Variants in ATF2 observed in about 807,000 individuals in gnomAD.
ATF2 encodes the protein cyclic AMP-dependent transcription factor ATF-2.
A neutral mutation model predicts 60.6 loss-of-function variants in ATF2; 24 were observed. The ratio of observed to expected loss-of-function variants is 0.40; its 90% CI spans 0.29 to 0.56. The LOEUF is 0.56. ATF2 is among the 20% of genes least tolerant of loss of function. ATF2 has a pLI of 0.54. For missense variants in ATF2, 433 were observed against 607.7 expected (o/e 0.71, Z 3.02); for synonymous variants, 206 against 215.4 (o/e 0.96, Z 0.38).
At chr2:175,162,281 T>C (rs1457472609) in intron 1 of ATF2, among the ~76,000 whole-genome samples, 1 of 152,222 alleles carries the variant, frequency 6.6e-6, no homozygotes, top group Admixed American at 6.5e-5. Flanking sequence ...GCCAACTAAA[T>C]AATTTTAAAA....
rs76163869 is a variant in ATF2, at chr2:175,151,375, G to T, written c.-142-217C>A. ...GCTCCAGGAAGATGTTTATCCTGTA[G>T]CCTCCCGTAACTCCTGGCATATTAC... On this transcript the variant is annotated intron_variant, in intron 1 of 13. Coordinates refer to ENST00000264110, the MANE Select transcript of ATF2 (RefSeq NM_001880.4). Among the ~76,000 whole-genome samples the T allele has an allele frequency of 3.9e-5, 6 of 152,110 alleles. No homozygotes were observed. The East Asian group carries it at 1.2e-3, about 29-fold the overall frequency.
At chr2:175,115,238 C>G (rs1472361162) in intron 7 of ATF2, among the ~76,000 whole-genome samples, 1 of 151,896 alleles carries the variant, frequency 6.6e-6, no homozygotes, top group Non-Finnish European at 1.5e-5. Context: ...CTGTTTAGTC[C>G]CCCTCCCTCA....
chr2:175,082,955 C>T (rs915068906), intron 12 of ATF2, among the ~76,000 whole-genome samples: 4 of 152,108 alleles, frequency 2.6e-5, no homozygotes, highest in Non-Finnish European at 5.9e-5. Flanking sequence ...TGAAGGACCT[C>T]TTCAAGGAGA....
Position 175,074,987 on chromosome 2 carries a change from T to G in ATF2, c.1292-152A>C, listed in dbSNP as rs72927392. ...ACAGCAATTGATATAGGTCATGAAG[T>G]AGGCAATTTTACCTGCAATAGGTCA... On this transcript the variant is annotated intron_variant, in intron 13 of 13. Coordinates refer to ENST00000264110, the MANE Select transcript of ATF2 (RefSeq NM_001880.4). 7.8e-3 allele frequency: 11,689 copies of G among 1,506,422 alleles called. 764 individuals are homozygous for G. In the African/African-American group the frequency reaches 0.14, roughly 18 times the overall value. The allele number at this position is 1,506,422 out of a possible 1,614,324, so 93.3% of individuals were successfully genotyped here. A position where few individuals can be genotyped will look rare whatever the true frequency, so the allele number is the denominator to read the frequency against.
chr2:175,146,768 C>G (rs1698985314), intron 2 of ATF2, among the ~76,000 whole-genome samples: 1 of 152,112 alleles, frequency 6.6e-6, no homozygotes, highest in Non-Finnish European at 1.5e-5. Flanking sequence ...CACATCCAGG[C>G]TATATATGCT....
In ATF2 at chr2:175,151,640, G is replaced by A. The variant is rs370471442; in HGVS notation, c.-142-482C>T. ...AAAAGCTTGACTTTTAAATATATGT[G>A]TATCAGTTAGGATTAGGTTCAGCTG... On this transcript the variant is annotated intron_variant, in intron 1 of 13. Coordinates refer to ENST00000264110, the MANE Select transcript of ATF2 (RefSeq NM_001880.4). 2.0e-5 allele frequency among the ~76,000 whole-genome samples: 3 copies of A among 152,114 alleles called. No homozygotes were observed. In the East Asian group the frequency reaches 5.8e-4, roughly 29 times the overall value.
chr2:175,165,870 T>C (rs138445779), intron 1 of ATF2, among the ~76,000 whole-genome samples: 7,001 of 152,208 alleles, frequency 0.046, 228 homozygotes, highest in Non-Finnish European at 0.068. Flanking sequence ...TTCACCGTGT[T>C]AGCTAGGATG....
chr2:175,109,683 T>A (rs1696036015), intron 10 of ATF2, among the ~76,000 whole-genome samples: 2 of 152,166 alleles, frequency 1.3e-5, no homozygotes, highest in African/African-American at 2.4e-5. Context: ...AATAACAGGA[T>A]CTCCTTTTAA....
At chr2:175,113,492 C>G (rs145737513) in intron 9 of ATF2, among the ~76,000 whole-genome samples, 1 of 152,192 alleles carries the variant, frequency 6.6e-6, no homozygotes, top group African/African-American at 2.4e-5. Context: ...ATATTTAACA[C>G]ACCCCTCAAA....
Position 175,074,653 on chromosome 2 carries a change from TC to T in ATF2, c.1473del (p.Ile492SerfsTer16). 1 of 1,613,238 alleles carries T rather than the reference TC, an allele frequency of 6.2e-7. No individual in the cohort carries two copies. Reference protein sequence around the residue: ...ADQSTEPALSQIVMAPSSQSQ... With the variant: ...ADQSTEPALSXIVMAPSSQSQ... The stretch of plus-strand genomic sequence containing the variant: ...GACTGGGAGGAAGGAGCCATAACGA[TC>T]TGTGAAAGAGCAGGCTCTGTACTCT... On this transcript the variant is annotated frameshift_variant, in exon 14 of 14. Transcript: ENST00000264110. LOFTEE classifies it high-confidence loss of function.
At chr2:175,153,416 C>T (rs1014980347) in intron 1 of ATF2, among the ~76,000 whole-genome samples, 1 of 152,168 alleles carries the variant, frequency 6.6e-6, no homozygotes, top group Non-Finnish European at 1.5e-5. Context: ...TAGCCTATTG[C>T]TCCTAGGCTA....
intron 10 of ATF2, among the ~76,000 whole-genome samples, chr2:175,107,576 TC>T (rs1418245179): frequency 3.9e-5 from 6 of 151,992 alleles, no homozygotes; most frequent in African/African-American, 1.5e-4. Context: ...CCCCATGGTC[TC>T]CCTCTCCCTC....
At chr2:175,152,102 G>A (rs1361488658) in intron 1 of ATF2, among the ~76,000 whole-genome samples, 1 of 152,062 alleles carries the variant, frequency 6.6e-6, no homozygotes, top group African/African-American at 2.4e-5. Flanking sequence ...AAAATAATAG[G>A]AGGAATATTG....
intron 10 of ATF2, among the ~76,000 whole-genome samples, chr2:175,109,447 G>A (rs1696015804): frequency 3.9e-5 from 6 of 152,136 alleles, no homozygotes; most frequent in Admixed American, 3.9e-4. Context: ...CAGAATAGAT[G>A]GAGTGGACTG....
chr2:175,110,795 G>A (rs1438777210), intron 10 of ATF2, among the ~76,000 whole-genome samples: 1 of 152,012 alleles, frequency 6.6e-6, no homozygotes, highest in African/African-American at 2.4e-5. Flanking sequence ...TAGTAGAGAT[G>A]GGGTTTCACC....
chr2:175,111,668 A>T lies in ATF2; in HGVS notation c.742-14T>A. ...TGGTCGAACGAGCTATGCATGACAT[A>T]AGGAAAAATAATTGCTAGAGAATAT... On this transcript the variant is annotated splice_polypyrimidine_tract_variant and intron_variant, in intron 9 of 13. Coordinates refer to ENST00000264110, the MANE Select transcript of ATF2 (RefSeq NM_001880.4). 6.2e-7 allele frequency: 1 copy of T among 1,601,132 alleles called. No homozygotes were observed. Among genetic ancestry groups the T allele is most frequent in the Non-Finnish European group, 8.5e-7 (1 of 1,170,182 alleles).
chr2:175,092,077 A>C (rs1322356993), intron 12 of ATF2, among the ~76,000 whole-genome samples: 1 of 152,184 alleles, frequency 6.6e-6, no homozygotes, highest in Non-Finnish European at 1.5e-5. Flanking sequence ...AGACTTAAAG[A>C]TGTCTGCTTC....
chr2:175,088,289 G>A (rs1236221325), intron 12 of ATF2, among the ~76,000 whole-genome samples: 7 of 152,042 alleles, frequency 4.6e-5, no homozygotes, highest in Non-Finnish European at 1.0e-4. Context: ...ATAGATCATA[G>A]AATTCAGAAA....
chr2:175,123,003 C>A (rs1697075323), intron 4 of ATF2, among the ~76,000 whole-genome samples: 3 of 152,038 alleles, frequency 2.0e-5, no homozygotes, highest in Admixed American at 2.0e-4. Flanking sequence ...GCCTGTATTA[C>A]CACTGAAGGA....
Sources: gnomAD v4.1 joint callset for allele counts (sites outside exome capture counted in the v4.1 genomes callset) on GRCh38, gnomAD v4.1.1 for gene constraint, MANE v1.5 for transcripts, NCBI Gene and HGNC (gene_info 2026-07-23, HGNC 2026-07-21) for gene names.